ZNF664: variants seen among roughly 807,000 people sequenced by gnomAD.
ZNF664 encodes zinc finger Organ of Corti 1.
In ZNF664, 10 loss-of-function variants were observed where a neutral mutation model predicts 18.2. The observed-to-expected ratio is 0.55, with a 90% CI of 0.34 to 0.93. ZNF664 has a LOEUF of 0.93. Among genes scored for constraint, ZNF664 ranks in the 40% least tolerant of loss-of-function variants. The pLI is 0.02. For missense variants in ZNF664, 193 were observed against 319.0 expected (o/e 0.61, Z 3.01); for synonymous variants, 119 against 104.2 (o/e 1.14, Z -0.86).
At chr12:123,989,400 C>T (rs1453168812) in intron 3 of ZNF664, 1 of 152,280 alleles carries the variant, frequency 6.6e-6, no homozygotes, top group Admixed American at 6.5e-5. Flanking sequence ...GCATTATCTC[C>T]TGTGCTGATT....
intron 2 of ZNF664, among the ~76,000 whole-genome samples, chr12:123,986,943 C>G (rs1476404507): frequency 6.6e-6 from 1 of 152,186 alleles, no homozygotes; most frequent in Non-Finnish European, 1.5e-5. Flanking sequence ...CACAGAGAAA[C>G]TAAAATAGCT....
At chr12:123,997,210 C>T (rs1420647398) in intron 3 of ZNF664, among the ~76,000 whole-genome samples, 1 of 152,126 alleles carries the variant, frequency 6.6e-6, no homozygotes, top group African/African-American at 2.4e-5. Flanking sequence ...AAGCACCATC[C>T]ATTCAGCATC....
chr12:124,014,360 G>A lies in ZNF664; in HGVS notation c.*1430G>A, dbSNP rs1318812338. ...CATTCGCAAGCAGTGGGGAAGGGGA[G>A]AGATGCCGAGGTGGTCAGTATCCTG... is the stretch of plus-strand genomic sequence containing the variant. On this transcript the variant is annotated 3_prime_UTR_variant, in exon 5 of 5. Transcript: ENST00000337815. 1.2e-5 allele frequency: 2 copies of A among 167,116 alleles called. No homozygotes were observed. The highest frequency in any genetic ancestry group is 6.5e-5 in the Admixed American group (1 of 15,290). The allele number at this position is 167,116 out of a possible 1,614,324, so 10.4% of individuals were successfully genotyped here.
chr12:124,004,021 A>G (rs1957042871), intron 3 of ZNF664, among the ~76,000 whole-genome samples: 2 of 152,192 alleles, frequency 1.3e-5, no homozygotes, highest in Admixed American at 1.3e-4. Context: ...GCGCAGAGAG[A>G]AGCTGTGGAC....
At chr12:123,997,749 A>G (rs1956966721) in intron 3 of ZNF664, 1 of 152,214 alleles carries the variant, frequency 6.6e-6, no homozygotes, top group South Asian at 2.1e-4. Context: ...GGGAGACACT[A>G]TTCAACCCAG....
chr12:123,985,302 A>G (rs1450176888), intron 2 of ZNF664, among the ~76,000 whole-genome samples: 1 of 152,352 alleles, frequency 6.6e-6, no homozygotes, highest in African/African-American at 2.4e-5. Context: ...TCTAAGTTTC[A>G]TGTAACTTTT....
At chr12:123,973,684 C>A in intron 1 of ZNF664, 1 of 920,504 alleles carries the variant, frequency 1.1e-6, no homozygotes, top group South Asian at 5.5e-5. Flanking sequence ...CGAGGCCCCT[C>A]GGGAGCCGGA....
intron 3 of ZNF664, among the ~76,000 whole-genome samples, chr12:123,995,321 C>T (rs187031984): frequency 6.6e-6 from 1 of 152,350 alleles, no homozygotes; most frequent in East Asian, 1.9e-4. Context: ...CCACATTTAG[C>T]CTCTGAGTCA....
intron 3 of ZNF664, chr12:123,997,884 A>G (rs1163231545): frequency 2.6e-5 from 4 of 152,222 alleles, no homozygotes; most frequent in African/African-American, 9.7e-5. Context: ...CTGTTGATTT[A>G]TTTTTTGGGC....
chr12:123,985,403 G>A (rs1956812234), intron 2 of ZNF664, among the ~76,000 whole-genome samples: 1 of 152,222 alleles, frequency 6.6e-6, no homozygotes, highest in South Asian at 2.1e-4. Context: ...AGTTCTTGCA[G>A]GAGAGAGTAA....
At chr12:123,991,091 A>G (rs1956883478) in intron 3 of ZNF664, among the ~76,000 whole-genome samples, 1 of 152,204 alleles carries the variant, frequency 6.6e-6, no homozygotes, top group Non-Finnish European at 1.5e-5. Context: ...CTGCAAGTCC[A>G]GTGTTCTACC....
intron 3 of ZNF664, among the ~76,000 whole-genome samples, chr12:124,005,564 A>G (rs1957063976): frequency 6.6e-6 from 1 of 151,902 alleles, no homozygotes; most frequent in South Asian, 2.1e-4. Flanking sequence ...CTCATTATAT[A>G]AAAAGAAAAC....
At chr12:123,992,057 C>T (rs1956895125) in intron 3 of ZNF664, among the ~76,000 whole-genome samples, 1 of 152,166 alleles carries the variant, frequency 6.6e-6, no homozygotes, top group Non-Finnish European at 1.5e-5. Flanking sequence ...CCCTATAGCT[C>T]ATTAAAACCC....
At chr12:124,004,077 G>C (rs1054087734) in intron 3 of ZNF664, among the ~76,000 whole-genome samples, 5 of 152,224 alleles carry the variant, frequency 3.3e-5, no homozygotes, top group East Asian at 1.9e-4. Context: ...CAAGCCTACT[G>C]CATGAAGTTC....
At chr12:123,989,154 G>A (rs1427043367) in intron 3 of ZNF664, among the ~76,000 whole-genome samples, 1 of 152,184 alleles carries the variant, frequency 6.6e-6, no homozygotes, top group Admixed American at 6.5e-5. Context: ...ACTGTGCGTT[G>A]TTAGAAGGCT....
intron 3 of ZNF664, among the ~76,000 whole-genome samples, chr12:123,991,713 A>G (rs1397748516): frequency 3.3e-5 from 5 of 152,222 alleles, no homozygotes; most frequent in East Asian, 1.9e-4. Flanking sequence ...GCAGAGGCCT[A>G]TACCCAGTGA....
chr12:123,981,448 T>C (rs4765541), intron 2 of ZNF664, among the ~76,000 whole-genome samples: 57,730 of 151,864 alleles, frequency 0.38, 11,951 homozygotes, highest in African/African-American at 0.54. Context: ...AGAAAAGAGA[T>C]CTGAGACAGC....
intron 3 of ZNF664, among the ~76,000 whole-genome samples, chr12:123,995,147 A>AGCATAG (rs764474738): frequency 1.4e-4 from 21 of 152,208 alleles, no homozygotes; most frequent in Non-Finnish European, 2.1e-4. Flanking sequence ...AGAGGTGTTG[A>AGCATAG]GCATAGAGCC....
At chr12:123,998,985 T>C (rs906063669) in intron 3 of ZNF664, among the ~76,000 whole-genome samples, 4 of 152,230 alleles carry the variant, frequency 2.6e-5, no homozygotes, top group African/African-American at 7.2e-5. Flanking sequence ...ACTAGGGATA[T>C]AGGGATCTTT....
Sources: allele counts gnomAD v4.1 joint callset (sites outside exome capture counted in the v4.1 genomes callset), GRCh38; gene constraint gnomAD v4.1.1; transcripts MANE v1.5; gene names NCBI Gene and HGNC (gene_info 2026-07-23, HGNC 2026-07-21).